Variants in KIF1B observed in about 807,000 individuals in gnomAD.
The protein encoded by KIF1B is kinesin family member 1B, also known as kinesin-like protein KIF1B.
Under a neutral mutation model 241.9 loss-of-function variants are expected in KIF1B, and 76 were observed. The observed-to-expected ratio is 0.31, with a 90% CI of 0.26 to 0.38. The LOEUF is 0.38. KIF1B is among the 10% of genes least tolerant of loss of function. The pLI, the probability that KIF1B is intolerant of heterozygous loss-of-function variation, is 1.00. For synonymous variants in KIF1B, 750 were observed against 796.7 expected (o/e 0.94, Z 0.99); for missense variants, 1,622 against 2,271.4 (o/e 0.71, Z 5.81).
intron 2 of KIF1B, among the ~76,000 whole-genome samples, chr1:10,239,079 G>T (rs765871889): frequency 6.6e-6 from 1 of 152,082 alleles, no homozygotes; most frequent in Non-Finnish European, 1.5e-5. Context: ...CTCTCCAGTA[G>T]CTGGGACCAC....
chr1:10,220,611 A>T (rs75700290), intron 1 of KIF1B, among the ~76,000 whole-genome samples: 1 of 152,188 alleles, frequency 6.6e-6, no homozygotes, highest in East Asian at 1.9e-4. Context: ...ATGAGCTTCA[A>T]TCACACCACT....
intron 1 of KIF1B, among the ~76,000 whole-genome samples, chr1:10,223,950 A>G (rs1646878747): frequency 6.6e-6 from 1 of 152,206 alleles, no homozygotes; most frequent in Non-Finnish European, 1.5e-5. Flanking sequence ...TGTTATTAGC[A>G]CACAACAATG....
intron 22 of KIF1B, chr1:10,308,573 A>G (rs899287075): frequency 1.9e-5 from 19 of 1,017,394 alleles, no homozygotes; most frequent in Middle Eastern, 4.7e-4. Context: ...GACCTCATTC[A>G]ATAAAAGTTG....
intron 1 of KIF1B, among the ~76,000 whole-genome samples, chr1:10,215,172 ATTTTTTT>A (rs1166683802): frequency 4.4e-5 from 2 of 45,358 alleles, no homozygotes; most frequent in Non-Finnish European, 7.5e-5. Context: ...ATATATATAT[ATTTTTTT>A]TTTTTTTTTT....
intron 7 of KIF1B, among the ~76,000 whole-genome samples, chr1:10,270,885 C>G (rs1487707276): frequency 6.8e-6 from 1 of 147,116 alleles, no homozygotes; most frequent in Non-Finnish European, 1.5e-5. Flanking sequence ...AAGATTGCAC[C>G]ATTGCATTCC....
Position 10,360,981 on chromosome 1 carries a change from C to T in KIF1B, c.4108C>T (p.Leu1370Phe). 1 of 1,614,126 alleles carries T rather than the reference C, an allele frequency of 6.2e-7. No individual in the cohort carries two copies. Among genetic ancestry groups the T allele is most frequent in the Non-Finnish European group, 8.5e-7 (1 of 1,180,000 alleles). ...GGATAGCTCTCTGCATAACTCCCTT[C>T]TTCTGAACCGAGTGACACCCTATGG... is the stretch of plus-strand genomic sequence containing the variant. ...VWDSSLHNSL[L>F]LNRVTPYGEK... The change falls in exon 39 of 49, where the codon CTT (leucine) becomes TTT (phenylalanine). Residue 1370 changes from leucine to phenylalanine, a missense_variant. Physicochemically the swap from Leu to Phe is conservative, Grantham distance 22 (BLOSUM62 0). Around this residue, in one of 7 missense-constraint regions of KIF1B, gnomAD observed 803 missense variants for 1,112.0 expected, o/e 0.72. Coordinates refer to ENST00000676179, the MANE Select transcript of KIF1B (RefSeq NM_001365951.3).
chr1:10,334,875 A>C (rs1652105956), intron 28 of KIF1B, among the ~76,000 whole-genome samples: 1 of 152,184 alleles, frequency 6.6e-6, no homozygotes, highest in South Asian at 2.1e-4. Context: ...TAATGGGGTA[A>C]AGAGATTTCC....
At chr1:10,225,046 C>T (rs1003786194) in intron 1 of KIF1B, among the ~76,000 whole-genome samples, 9 of 152,322 alleles carry the variant, frequency 5.9e-5, no homozygotes, top group East Asian at 3.9e-4. Context: ...CTGATGCCAT[C>T]GCTGATCTCA....
chr1:10,320,696 T>G (rs186575345), intron 23 of KIF1B, among the ~76,000 whole-genome samples: 2 of 150,856 alleles, frequency 1.3e-5, no homozygotes, highest in East Asian at 3.9e-4. Flanking sequence ...AAGGAACTCT[T>G]AATTTATGTA....
chr1:10,261,681 T>TA (rs1372205213), intron 4 of KIF1B, among the ~76,000 whole-genome samples: 1 of 152,214 alleles, frequency 6.6e-6, no homozygotes, highest in Non-Finnish European at 1.5e-5. Context: ...CTTATAATCT[T>TA]ATGGGGATCA....
intron 5 of KIF1B, among the ~76,000 whole-genome samples, chr1:10,265,623 T>C (rs1363844986): frequency 2.0e-5 from 3 of 152,172 alleles, no homozygotes; most frequent in South Asian, 2.1e-4. Context: ...GATGGGAGGA[T>C]TGCTTGAGCC....
chr1:10,272,964 G>A, intron 9 of KIF1B, 50 bp from the exon 10 acceptor site: 5 of 1,462,758 alleles, frequency 3.4e-6, no homozygotes, highest in Non-Finnish European at 3.7e-6. Flanking sequence ...TTTCTACTTG[G>A]AGGCTTATCC....
At chr1:10,372,637 CGCTGCGCGCCAGCTTGGGTGACAG>C (rs991364295) in intron 45 of KIF1B, among the ~76,000 whole-genome samples, 3 of 127,532 alleles carry the variant, frequency 2.4e-5, no homozygotes, top group African/African-American at 9.2e-5. Context: ...GAGATTGCGC[CGCTGCGCGCCAGCTTGGGTGACAG>C]AGCTGTCACC....
intron 37 of KIF1B, 93 bp downstream of exon 37, chr1:10,348,826 A>G: frequency 1.1e-6 from 1 of 901,406 alleles, no homozygotes; most frequent in Non-Finnish European, 1.8e-6. Flanking sequence ...CCCAGGCTGG[A>G]GTACAGTGAT....
At chr1:10,367,527 A>G (rs1053365020) in intron 43 of KIF1B, among the ~76,000 whole-genome samples, 1 of 144,750 alleles carries the variant, frequency 6.9e-6, no homozygotes, top group African/African-American at 2.6e-5. Context: ...TTTTATTTTT[A>G]TCTTTATTAA....
At chr1:10,316,233 C>CA (rs200844995) in intron 22 of KIF1B, among the ~76,000 whole-genome samples, 5,378 of 150,232 alleles carry the variant, frequency 0.036, 203 homozygotes, top group Middle Eastern at 0.13. Context: ...ACCCTTTCTC[C>CA]AAAAAAAAGG....
rs886045010 is a variant in KIF1B at position 10,380,545 on chromosome 1, A to G, written c.*3958A>G. On this transcript the variant is annotated 3_prime_UTR_variant, in exon 49 of 49. Coordinates refer to ENST00000676179, the MANE Select transcript of KIF1B (RefSeq NM_001365951.3). ...ACATGGTGAAACCCCGTCTCTACTA[A>G]AAATACAAAAAGTAGCCAGGCGTGG... 1 of 181,430 alleles carries G rather than the reference A, an allele frequency of 5.5e-6. No individual in the cohort carries two copies. Among genetic ancestry groups the G allele is most frequent in the East Asian group, 9.1e-5 (1 of 11,034 alleles). The allele number at this position is 181,430 out of a possible 1,614,324, so 11.2% of individuals were successfully genotyped here.
Position 10,295,724 on chromosome 1 carries a change from G to T in KIF1B, c.1735G>T (p.Glu579Ter). The T allele has an allele frequency of 6.2e-7, 1 of 1,613,906 alleles. No homozygotes were observed. Among genetic ancestry groups the T allele is most frequent in the South Asian group, 1.1e-5 (1 of 91,040 alleles). Residue 579 changes from glutamate to a stop codon, truncating the protein, a stop_gained, in exon 19 of 49, where the codon GAG (glutamate) becomes TAG (stop). Transcript: ENST00000676179. LOFTEE classifies it high-confidence loss of function. ...IVLSGAHIKE[E>*]HCIFRSERSN... ...GCTGAGCGGGGCTCACATTAAAGAAGAGCATTGTATCTTCCGGAGTGAGAG... is the reference window on the plus strand; with the variant it reads ...GCTGAGCGGGGCTCACATTAAAGAATAGCATTGTATCTTCCGGAGTGAGAG...
intron 1 of KIF1B, among the ~76,000 whole-genome samples, chr1:10,227,037 T>C (rs1053231209): frequency 0.068 from 7,165 of 105,162 alleles, 166 homozygotes; most frequent in Middle Eastern, 0.13. Context: ...TCTCTCTTTT[T>C]TTTTTTTTTT....
Sources: gnomAD v4.1 joint callset for allele counts (sites outside exome capture counted in the v4.1 genomes callset) on GRCh38, gnomAD v4.1.1 for gene constraint, gnomAD v4.1.1 regional missense constraint, MANE v1.5 for transcripts, NCBI Gene and HGNC (gene_info 2026-07-23, HGNC 2026-07-21) for gene names.